The following GSDME variants were observed in gnomAD, a reference collection of about 807,000 sequenced individuals.
GSDME encodes the protein gasdermin-E.
Under a neutral mutation model 47.5 loss-of-function variants are expected in GSDME, and 44 were observed. The ratio of observed to expected loss-of-function variants is 0.93; its 90% confidence interval spans 0.73 to 1.19. The LOEUF (loss-of-function observed/expected upper bound fraction) is 1.19. Among genes scored for constraint, GSDME ranks in the 50% most tolerant of loss-of-function variants. The probability of loss-of-function intolerance (pLI) is 0.00; values close to 1 mark genes in which losing one functional copy is unlikely to be tolerated. For synonymous variants in GSDME, 258 were observed against 252.8 expected (o/e 1.02, Z -0.20); for missense variants, 663 against 604.2 (o/e 1.10, Z -1.02).
chr7:24,749,755 CTG>C lies in GSDME; in HGVS notation c.18_19del (p.Arg7GlufsTer4). On this transcript the variant is annotated frameshift_variant, in exon 2 of 10. Transcript: ENST00000645220. LOFTEE classifies it high-confidence loss of function. Reference sequence around the variant, plus strand: ...AGCATCAACTTCTCTAAGAAAATTCCTGGTTGCTTTGGCAAACATTTTGAAAG... The same window carrying C: ...AGCATCAACTTCTCTAAGAAAATTCCGTTGCTTTGGCAAACATTTTGAAAG... 1 of 1,614,056 alleles carries C rather than the reference CTG, an allele frequency of 6.2e-7. No homozygotes were observed. The highest frequency in any genetic ancestry group is 8.5e-7 in the Non-Finnish European group (1 of 1,179,976).
intron 1 of GSDME, among the ~76,000 whole-genome samples, chr7:24,751,995 A>G (rs1790874988): frequency 2.0e-5 from 3 of 152,372 alleles, no homozygotes; most frequent in African/African-American, 7.2e-5. Context: ...ATACTGTCAC[A>G]GAAGTCCTCC....
At chr7:24,738,603 G>A (rs1273972255) in intron 3 of GSDME, among the ~76,000 whole-genome samples, 1 of 152,050 alleles carries the variant, frequency 6.6e-6, no homozygotes, top group East Asian at 1.9e-4. Context: ...TACCAATGAT[G>A]TTCTTCACAG....
chr7:24,724,355 C>T lies in GSDME; in HGVS notation c.405-5137G>A, dbSNP rs1789897208. On this transcript the variant is annotated intron_variant, in intron 3 of 9. Transcript: ENST00000645220. The surrounding 1 kb of genome is among the most constrained non-coding windows in gnomAD (Gnocchi z 4.8). ...CTGGAATGAGACCCTCTCCCCAAGT[C>T]CAGCCAGGAGCCAATGCCCAAAGAC... Among the ~76,000 whole-genome samples the T allele has an allele frequency of 1.3e-5, 2 of 152,118 alleles. No individual in the cohort carries two copies. Among genetic ancestry groups the T allele is most frequent in the South Asian group, 4.1e-4 (2 of 4,826 alleles).
the GSDME span, among the ~76,000 whole-genome samples, chr7:24,790,310 A>G: frequency 6.6e-6 from 1 of 152,226 alleles, no homozygotes; most frequent in Admixed American, 6.5e-5. The surrounding 1 kb of genome is among the most constrained non-coding windows in gnomAD (Gnocchi z 4.1). Context: ...TGGGGGTCCC[A>G]TATCCCCATG....
chr7:24,725,127 G>A lies in GSDME; in HGVS notation c.405-5909C>T, dbSNP rs987731783. Reference sequence around the variant, plus strand: ...TTCTGTATAAATTACCCAGTCTCAGGTATTTCCTTATAATAATGCAAACAG... The same window carrying A: ...TTCTGTATAAATTACCCAGTCTCAGATATTTCCTTATAATAATGCAAACAG... On this transcript the variant is annotated intron_variant, in intron 3 of 9. Transcript: ENST00000645220. This position sits in a 1 kb window ranked among gnomAD's most constrained non-coding sequence, Gnocchi z 5.1. 2.0e-5 allele frequency among the ~76,000 whole-genome samples: 3 copies of A among 152,268 alleles called. No individual in the cohort carries two copies. The highest frequency in any genetic ancestry group is 1.9e-4 in the East Asian group (1 of 5,192).
At chr7:24,763,539 A>T in the GSDME span, among the ~76,000 whole-genome samples, 14 of 152,184 alleles carry the variant, frequency 9.2e-5, no homozygotes, top group Admixed American at 2.6e-4. This position sits in a 1 kb window ranked among gnomAD's most constrained non-coding sequence, Gnocchi z 4.3. Context: ...ATTGGAGAGG[A>T]CAGGGCAAGA....
intron 2 of GSDME, among the ~76,000 whole-genome samples, chr7:24,748,118 TAAG>T (rs201057746): frequency 0.037 from 5,477 of 148,320 alleles, 145 homozygotes; most frequent in Non-Finnish European, 0.055. Flanking sequence ...AGTAAAAAAA[TAAG>T]GAGTGTATAA....
the GSDME span, among the ~76,000 whole-genome samples, chr7:24,790,372 G>A: frequency 6.6e-6 from 1 of 152,168 alleles, no homozygotes; most frequent in Non-Finnish European, 1.5e-5. The surrounding 1 kb of genome is among the most constrained non-coding windows in gnomAD (Gnocchi z 4.1). Flanking sequence ...ATTCTCTCAG[G>A]GGGCCATTCA....
chr7:24,726,805 CAAAAA>C lies in GSDME; in HGVS notation c.405-7592_405-7588del, dbSNP rs11358953. Among the ~76,000 whole-genome samples the C allele has an allele frequency of 0.038, 3,671 of 96,952 alleles. 160 individuals carry two copies. Among genetic ancestry groups the C allele is most frequent in the African/African-American group, 0.12 (3,452 of 28,762 alleles). 63.6% of individuals were successfully genotyped at this position (96,952 alleles called of 152,430 possible). On this transcript the variant is annotated intron_variant, in intron 3 of 9. Transcript: ENST00000645220. This position sits in a 1 kb window ranked among gnomAD's most constrained non-coding sequence, Gnocchi z 5.6. ...CGGGGGACAGAGCGAGACTCCGTCT[CAAAAA>C]AAAAAAAAAAAAACCAATGGCCTCG...
intron 5 of GSDME, among the ~76,000 whole-genome samples, chr7:24,711,168 T>A (rs1352045809): frequency 6.6e-6 from 1 of 152,150 alleles, no homozygotes; most frequent in African/African-American, 2.4e-5. Flanking sequence ...GCTCACTACA[T>A]TATTATCTCT....
intron 1 of GSDME, among the ~76,000 whole-genome samples, chr7:24,755,674 C>T (rs1234806517): frequency 6.6e-6 from 1 of 152,190 alleles, no homozygotes; most frequent in Non-Finnish European, 1.5e-5. Flanking sequence ...AGATTCCACC[C>T]GAGGTCCACC....
the GSDME span, among the ~76,000 whole-genome samples, chr7:24,786,653 GT>G: frequency 1.4e-4 from 21 of 152,182 alleles, no homozygotes; most frequent in Non-Finnish European, 2.6e-4. This position sits in a 1 kb window ranked among gnomAD's most constrained non-coding sequence, Gnocchi z 5.5. Context: ...GTTAACTGAA[GT>G]TCGAACTTTG....
At chr7:24,795,244 G>T in the GSDME span, among the ~76,000 whole-genome samples, 1 of 152,168 alleles carries the variant, frequency 6.6e-6, no homozygotes, top group African/African-American at 2.4e-5. Flanking sequence ...CACTAAAGCC[G>T]GCAGGAGTCC....
At chr7:24,702,705 C>G in intron 9 of GSDME, 55 bp downstream of exon 9, 1 of 1,469,794 alleles carries the variant, frequency 6.8e-7, no homozygotes, top group Non-Finnish European at 9.5e-7. Context: ...TGTCTACCCC[C>G]TCATCATTTC....
chr7:24,707,313 TAAGAAAGG>T (rs1461411527), intron 7 of GSDME: 3 of 471,054 alleles, frequency 6.4e-6, no homozygotes, highest in African/African-American at 6.0e-5. Context: ...GCCTCAGCCT[TAAGAAAGG>T]GAGGACACAG....
the GSDME span, among the ~76,000 whole-genome samples, chr7:24,772,983 T>A: frequency 3.6e-4 from 55 of 152,146 alleles, no homozygotes; most frequent in African/African-American, 1.0e-3. This position sits in a 1 kb window ranked among gnomAD's most constrained non-coding sequence, Gnocchi z 4.5. Flanking sequence ...GGGGTTGGGG[T>A]GAGGTAGATG....
upstream of GSDME, among the ~76,000 whole-genome samples, chr7:24,760,564 T>C (rs1171236613): frequency 6.6e-6 from 1 of 152,210 alleles, no homozygotes; most frequent in African/African-American, 2.4e-5. The surrounding 1 kb of genome is among the most constrained non-coding windows in gnomAD (Gnocchi z 4.2). Flanking sequence ...AAAATTAGTT[T>C]CCTTGCCTTT....
chr7:24,793,574 C>G, the GSDME span, among the ~76,000 whole-genome samples: 1 of 152,128 alleles, frequency 6.6e-6, no homozygotes, highest in African/African-American at 2.4e-5. Flanking sequence ...GGCCTAATTA[C>G]TTTTAAATTA....
chr7:24,703,250 T>C (rs1480570302), intron 8 of GSDME: 1 of 334,172 alleles, frequency 3.0e-6, no homozygotes, highest in Non-Finnish European at 5.8e-6. Flanking sequence ...ACCATAGTTG[T>C]TTTGTTTTTG....
Sources: allele counts gnomAD v4.1 joint callset (sites outside exome capture counted in the v4.1 genomes callset), GRCh38; gene constraint gnomAD v4.1.1; non-coding constraint Gnocchi (gnomAD v3.1); transcripts MANE v1.5; gene names NCBI Gene and HGNC (gene_info 2026-07-23, HGNC 2026-07-21).